Variants in SLC10A7 observed in about 807,000 individuals in gnomAD.
The protein encoded by SLC10A7 is sodium/bile acid cotransporter 7.
Under a neutral mutation model 43.2 loss-of-function variants are expected in SLC10A7, and 29 were observed. The ratio of observed to expected loss-of-function variants is 0.67; its 90% CI spans 0.50 to 0.92. SLC10A7 has a LOEUF of 0.92. Among genes scored for constraint, SLC10A7 ranks in the 40% least tolerant of loss-of-function variants. The pLI is 0.00. For missense variants in SLC10A7, 295 were observed against 403.2 expected (o/e 0.73, Z 2.30); for synonymous variants, 152 against 144.8 (o/e 1.05, Z -0.35).
At chr4:146,304,960 A>T (rs1731445517) in intron 7 of SLC10A7, among the ~76,000 whole-genome samples, 1 of 151,996 alleles carries the variant, frequency 6.6e-6, no homozygotes, top group Admixed American at 6.6e-5. Flanking sequence ...TATATTTAGG[A>T]TAGTTAGCTC....
Sources: allele counts gnomAD v4.1 joint callset (sites outside exome capture counted in the v4.1 genomes callset), GRCh38; gene constraint gnomAD v4.1.1; transcripts MANE v1.5; gene names NCBI Gene and HGNC (gene_info 2026-07-23, HGNC 2026-07-21).